The following NAV3 variants were observed in gnomAD, a reference collection of about 807,000 sequenced individuals.
NAV3 encodes neuron navigator 3, also known as pore membrane and/or filament interacting like protein 1.
NAV3 carries 87 observed loss-of-function variants against 244.7 expected under a neutral mutation model. That is an observed-to-expected ratio of 0.36 (90% CI 0.30 to 0.42). NAV3 has a LOEUF of 0.42. Among genes scored for constraint, NAV3 ranks in the 20% least tolerant of loss-of-function variants. The pLI, the probability that NAV3 is intolerant of heterozygous loss-of-function variation, is 1.00. For synonymous variants in NAV3, 1,126 were observed against 1,042.2 expected (o/e 1.08, Z -1.55); for missense variants, 2,663 against 2,893.3 (o/e 0.92, Z 1.83).
chr12:78,085,582 T>G (rs1489994032), intron 12 of NAV3, among the ~76,000 whole-genome samples: 1 of 152,094 alleles, frequency 6.6e-6, no homozygotes, highest in Non-Finnish European at 1.5e-5. Context: ...GTGAAAATGA[T>G]GAGCAGAAAT....
At chr12:77,582,468 A>G (rs1276909377) in intron 2 of NAV3, among the ~76,000 whole-genome samples, 2 of 152,228 alleles carry the variant, frequency 1.3e-5, no homozygotes, top group Non-Finnish European at 2.9e-5. Context: ...GAGAATTTAG[A>G]TTTAAGTTTC....
At chr12:77,594,287 C>A (rs1366262273) in intron 2 of NAV3, among the ~76,000 whole-genome samples, 1 of 151,812 alleles carries the variant, frequency 6.6e-6, no homozygotes, top group African/African-American at 2.4e-5. Flanking sequence ...AAGATTCACT[C>A]AAATTTTCAT....
At chr12:77,800,369 G>T (rs1413431420) in intron 2 of NAV3, among the ~76,000 whole-genome samples, 1 of 152,152 alleles carries the variant, frequency 6.6e-6, no homozygotes, top group Admixed American at 6.5e-5. Context: ...CTTCAGTCAG[G>T]CTGTCATTGT....
intron 34 of NAV3, among the ~76,000 whole-genome samples, chr12:78,190,754 CAA>C (rs1191485767): frequency 2.6e-5 from 4 of 152,038 alleles, no homozygotes; most frequent in Admixed American, 2.6e-4. Context: ...GGAAAGTTAA[CAA>C]CATTCAATTT....
At chr12:77,777,990 G>T (rs1283065887) in intron 2 of NAV3, among the ~76,000 whole-genome samples, 1 of 151,976 alleles carries the variant, frequency 6.6e-6, no homozygotes, top group Non-Finnish European at 1.5e-5. Context: ...TATCTTAGTA[G>T]AGACAGGGTT....
chr12:77,673,731 G>A (rs946548878), intron 2 of NAV3, among the ~76,000 whole-genome samples: 1 of 151,896 alleles, frequency 6.6e-6, no homozygotes, highest in Non-Finnish European at 1.5e-5. Flanking sequence ...CTTCTCTTAT[G>A]GGAAGAATTT....
chr12:78,059,618 T>TTTCTTTACAAGGC (rs1402594853), intron 12 of NAV3, among the ~76,000 whole-genome samples: 1 of 152,148 alleles, frequency 6.6e-6, no homozygotes, highest in Admixed American at 6.5e-5. Context: ...CTAGGATGAT[T>TTTCTTTACAAGGC]TTCTTTACAA....
At chr12:78,201,212 C>T (rs1355636129) in intron 38 of NAV3, among the ~76,000 whole-genome samples, 1 of 151,360 alleles carries the variant, frequency 6.6e-6, no homozygotes, top group Non-Finnish European at 1.5e-5. Flanking sequence ...TATAGGCACA[C>T]ACCACCACAC....
chr12:78,198,175 G>A (rs17041265), intron 35 of NAV3, among the ~76,000 whole-genome samples: 2,185 of 151,742 alleles, frequency 0.014, 52 homozygotes, highest in African/African-American at 0.05. Flanking sequence ...AGTTACAAAC[G>A]ATCAGCATAA....
chr12:77,695,024 G>T (rs751865779), intron 2 of NAV3, among the ~76,000 whole-genome samples: 4 of 152,160 alleles, frequency 2.6e-5, no homozygotes, highest in Non-Finnish European at 5.9e-5. Flanking sequence ...GTACATAAGT[G>T]CCAGAAGCTG....
rs909599831 is a variant in NAV3 at position 77,821,675 on chromosome 12, G to A, written c.73-118644G>A. 3.3e-5 allele frequency among the ~76,000 whole-genome samples: 5 copies of A among 152,120 alleles called. No homozygotes were observed. The East Asian group carries it at 9.6e-4, about 29-fold the overall frequency. The stretch of plus-strand genomic sequence containing the variant: ...ATTTGTATATAAGCTTCAAAAATAT[G>A]TGAAAATAAGAAAATTGGAAAGGAA... On this transcript the variant is annotated intron_variant, in intron 2 of 8. Transcript: ENST00000550042.
chr12:77,662,144 A>G (rs185716029), intron 2 of NAV3, among the ~76,000 whole-genome samples: 2 of 152,112 alleles, frequency 1.3e-5, no homozygotes, highest in Non-Finnish European at 2.9e-5. Flanking sequence ...GGAGAATGAC[A>G]TCTTAACGAT....
At chr12:77,869,121 G>A (rs1035384505) in intron 1 of NAV3, among the ~76,000 whole-genome samples, 2 of 152,050 alleles carry the variant, frequency 1.3e-5, no homozygotes, top group African/African-American at 4.8e-5. Flanking sequence ...TAATATGGGG[G>A]AAACAAGGTC....
chr12:78,119,178 G>A (rs549220542), intron 14 of NAV3, 59 bp from the exon 15 acceptor site: 38 of 1,416,316 alleles, frequency 2.7e-5, no homozygotes, highest in South Asian at 5.3e-5. Context: ...ATTGTTTCAC[G>A]AAGTGTGGTG....
intron 1 of NAV3, among the ~76,000 whole-genome samples, chr12:77,837,042 C>A (rs1409494206): frequency 6.6e-6 from 1 of 152,024 alleles, no homozygotes; most frequent in Admixed American, 6.6e-5. Flanking sequence ...ATAATATTGT[C>A]ATGCAAATGT....
chr12:77,771,584 A>G (rs1334819987), intron 2 of NAV3, among the ~76,000 whole-genome samples: 1 of 152,232 alleles, frequency 6.6e-6, no homozygotes, highest in African/African-American at 2.4e-5. Context: ...CTATGCAGCC[A>G]TAAAAATGAT....
chr12:78,071,461 G>A (rs1952762927), intron 12 of NAV3, among the ~76,000 whole-genome samples: 1 of 151,814 alleles, frequency 6.6e-6, no homozygotes, highest in South Asian at 2.1e-4. Flanking sequence ...TTAGCCCTTT[G>A]TCAGATGAGT....
chr12:77,579,790 A>G (rs969461114), intron 2 of NAV3, among the ~76,000 whole-genome samples: 2 of 152,232 alleles, frequency 1.3e-5, no homozygotes, highest in Admixed American at 6.5e-5. Context: ...AACATAGTAC[A>G]GCAAAGAGTT....
At chr12:77,599,860 A>G (rs1407733046) in intron 2 of NAV3, among the ~76,000 whole-genome samples, 3 of 152,004 alleles carry the variant, frequency 2.0e-5, no homozygotes, top group Non-Finnish European at 4.4e-5. Flanking sequence ...GAAGTCAAAC[A>G]CAAACAAATA....
Sources: gnomAD v4.1 joint callset for allele counts (sites outside exome capture counted in the v4.1 genomes callset) on GRCh38, gnomAD v4.1.1 for gene constraint, MANE v1.5 for transcripts, NCBI Gene and HGNC (gene_info 2026-07-23, HGNC 2026-07-21) for gene names.